The following C10orf88 variants were observed in gnomAD, a reference collection of about 807,000 sequenced individuals.
C10orf88 encodes the protein ATPase PAAT.
A neutral mutation model predicts 34.2 loss-of-function variants in C10orf88; 29 were observed. The observed-to-expected ratio is 0.85, with a 90% CI of 0.63 to 1.16. The LOEUF is 1.16. Among genes scored for constraint, C10orf88 ranks in the 50% most tolerant of loss-of-function variants. C10orf88 has a pLI of 0.00. For synonymous variants in C10orf88, 194 were observed against 197.4 expected, an observed-to-expected ratio of 0.98 and a Z score of 0.15; for missense variants, 507 against 533.2, an observed-to-expected ratio of 0.95 and a Z score of 0.48.
intron 4 of C10orf88, among the ~76,000 whole-genome samples, chr10:122,940,805 T>C (rs928176589): frequency 6.6e-6 from 1 of 152,032 alleles, no homozygotes; most frequent in East Asian, 1.9e-4. Flanking sequence ...ATAATATTCA[T>C]AAAACCATAG....
intron 4 of C10orf88, among the ~76,000 whole-genome samples, chr10:122,943,924 G>C (rs1288250271): frequency 6.6e-6 from 1 of 152,062 alleles, no homozygotes; most frequent in African/African-American, 2.4e-5. Flanking sequence ...TACACTGTTG[G>C]TGGGACTGTA....
intron 3 of C10orf88, among the ~76,000 whole-genome samples, chr10:122,950,934 C>T (rs1479368917): frequency 6.6e-6 from 1 of 152,136 alleles, no homozygotes; most frequent in East Asian, 1.9e-4. Context: ...AAATAGGTTT[C>T]AATCTTCTAT....
Position 122,932,412 on chromosome 10 carries a change from G to T in C10orf88, c.*15C>A, listed in dbSNP as rs747077240. On this transcript the variant is annotated 3_prime_UTR_variant, in exon 6 of 6. Transcript: ENST00000481909. ...ATGTAATAAATATCTGCAGTACACT[G>T]TTTATGTTGAGAGCTTATCTTTCTC... is the stretch of plus-strand genomic sequence containing the variant. 3 of 1,587,596 alleles carry T rather than the reference G, an allele frequency of 1.9e-6. No individual in the cohort carries two copies. The highest frequency in any genetic ancestry group is 2.2e-5 in the South Asian group (2 of 90,064).
Position 122,954,052 on chromosome 10 carries a change from A to C in C10orf88, c.127T>G (p.Phe43Val), listed in dbSNP as rs769049834. 1.9e-6 allele frequency: 3 copies of C among 1,539,158 alleles called. No homozygotes were observed. Among genetic ancestry groups the C allele is most frequent in the Middle Eastern group, 1.8e-4 (1 of 5,568 alleles). The part of the protein sequence containing the change: ...LTRAGLGPGD[F>V]DWEELLAPPA... Reference sequence around the variant, plus strand: ...GGTGCCAGCAGCTCCTCCCAGTCGAAGTCACCGGGGCCGAGACCGGCCCGG... The same window carrying C: ...GGTGCCAGCAGCTCCTCCCAGTCGACGTCACCGGGGCCGAGACCGGCCCGG... The change falls in exon 1 of 6, where the codon TTC becomes GTC. Residue 43 changes from phenylalanine to valine, a missense_variant. Coordinates refer to ENST00000481909, the MANE Select transcript of C10orf88 (RefSeq NM_024942.4).
Position 122,938,216 on chromosome 10 carries a change from G to T in C10orf88, c.649-57C>A, listed in dbSNP as rs146323004. The T allele has an allele frequency of 5.9e-4, 825 of 1,388,550 alleles. 5 individuals carry two copies. The African/African-American group carries it at 0.011, about 18-fold the overall frequency. 86.0% of individuals were successfully genotyped at this position (1,388,550 alleles called of 1,614,324 possible). Reference sequence around the variant, plus strand: ...TAATAACACTGACAGCTAACTTTTGGAGTAATTACTATGAGTCAGGCACTG... The same window carrying T: ...TAATAACACTGACAGCTAACTTTTGTAGTAATTACTATGAGTCAGGCACTG... On this transcript the variant is annotated intron_variant, in intron 4 of 5. Transcript: ENST00000481909.
intron 3 of C10orf88, among the ~76,000 whole-genome samples, chr10:122,951,068 G>T (rs1848685281): frequency 1.3e-5 from 2 of 152,184 alleles, no homozygotes; most frequent in African/African-American, 4.8e-5. Context: ...AGTCAGGACA[G>T]AACTGAATTA....
chr10:122,937,986 A>T lies in C10orf88; in HGVS notation c.822T>A (p.Thr274=), dbSNP rs1848549850. The T allele has an allele frequency of 6.2e-7, 1 of 1,613,334 alleles. No homozygotes were observed. Among genetic ancestry groups the T allele is most frequent in the Non-Finnish European group, 8.5e-7 (1 of 1,179,498 alleles). Residue 274 remains threonine (T), a synonymous_variant, in exon 5 of 6, where the codon ACT becomes ACA. Coordinates refer to ENST00000481909, the MANE Select transcript of C10orf88 (RefSeq NM_024942.4). ...GCAGTTGTGTACTTTTATCAATGTA[A>T]GTTTGTAAGTTTTCAGTCACGTTCC... ...TSGNVTENLQ[T]YIDKSTQLPG... is the part of the protein sequence containing the mutation.
At chr10:122,950,955 A>G (rs1056517592) in intron 3 of C10orf88, among the ~76,000 whole-genome samples, 1 of 152,212 alleles carries the variant, frequency 6.6e-6, no homozygotes, top group Admixed American at 6.5e-5. Flanking sequence ...AAGTAATGAT[A>G]ATAAGTACAG....
chr10:122,945,591 T>C (rs1848631835), intron 4 of C10orf88, among the ~76,000 whole-genome samples: 1 of 151,950 alleles, frequency 6.6e-6, no homozygotes, highest in South Asian at 2.1e-4. Context: ...TGACCCTCTG[T>C]AGGCCTAGGG....
At chr10:122,951,843 A>AAAGC (rs1848693009) in intron 3 of C10orf88, 111 bp downstream of exon 3, 1 of 701,946 alleles carries the variant, frequency 1.4e-6, no homozygotes, top group South Asian at 1.7e-5. Context: ...AAGAAAAAAA[A>AAAGC]AAGCAAGCAA....
At chr10:122,942,808 A>G (rs1288514917) in intron 4 of C10orf88, among the ~76,000 whole-genome samples, 6 of 151,120 alleles carry the variant, frequency 4.0e-5, no homozygotes, top group Admixed American at 6.6e-5. Context: ...CTAGGAATCC[A>G]GCTTACAAGG....
intron 4 of C10orf88, among the ~76,000 whole-genome samples, chr10:122,944,535 A>G (rs996849098): frequency 6.6e-6 from 1 of 152,142 alleles, no homozygotes; most frequent in Non-Finnish European, 1.5e-5. Context: ...TAATAATTAA[A>G]AAAAAGAGTT....
At chr10:122,934,485 C>T (rs944912086) in intron 5 of C10orf88, among the ~76,000 whole-genome samples, 13 of 152,104 alleles carry the variant, frequency 8.5e-5, no homozygotes, top group Non-Finnish European at 1.9e-4. Flanking sequence ...AGCAAAATGC[C>T]TTTGAGAGAT....
intron 2 of C10orf88, among the ~76,000 whole-genome samples, chr10:122,952,365 G>GA (rs1589698628): frequency 6.6e-6 from 1 of 151,962 alleles, no homozygotes; most frequent in Non-Finnish European, 1.5e-5. Context: ...ATCTTCGTAA[G>GA]AAAAAAAATC....
At chr10:122,934,298 T>C (rs1848513507) in intron 5 of C10orf88, among the ~76,000 whole-genome samples, 1 of 152,198 alleles carries the variant, frequency 6.6e-6, no homozygotes, top group Non-Finnish European at 1.5e-5. Context: ...ATTCTTTAAC[T>C]GCAATGATCT....
chr10:122,950,883 G>T (rs1239553597), intron 3 of C10orf88, among the ~76,000 whole-genome samples: 2 of 152,188 alleles, frequency 1.3e-5, no homozygotes, highest in African/African-American at 4.8e-5. Flanking sequence ...CTGTGAGTTT[G>T]CTATCTGCCT....
intron 4 of C10orf88, among the ~76,000 whole-genome samples, chr10:122,944,969 A>C (rs979952202): frequency 6.6e-6 from 1 of 150,428 alleles, no homozygotes; most frequent in Non-Finnish European, 1.5e-5. Flanking sequence ...TAGCTGATCA[A>C]TCCAATAGGT....
chr10:122,948,904 T>C (rs749107559), intron 3 of C10orf88, 49 bp from the exon 4 acceptor site: 3 of 1,500,574 alleles, frequency 2.0e-6, no homozygotes, highest in Non-Finnish European at 2.7e-6. Context: ...AAAACAATAA[T>C]CATTTAATGT....
chr10:122,942,159 T>C (rs1465258462), intron 4 of C10orf88, among the ~76,000 whole-genome samples: 1 of 152,124 alleles, frequency 6.6e-6, no homozygotes, highest in Non-Finnish European at 1.5e-5. Context: ...CTAATTAATA[T>C]CCTCTAATCG....
Sources: allele counts gnomAD v4.1 joint callset (sites outside exome capture counted in the v4.1 genomes callset), GRCh38; gene constraint gnomAD v4.1.1; transcripts MANE v1.5; gene names NCBI Gene and HGNC (gene_info 2026-07-23, HGNC 2026-07-21).